Variants in TNFSF12 observed in about 807,000 individuals in gnomAD.
The protein encoded by TNFSF12 is TNF superfamily member 12.
TNFSF12 carries 16 observed loss-of-function variants against 31.2 expected under a neutral mutation model. That is an observed-to-expected ratio of 0.51 (90% CI 0.35 to 0.78). The LOEUF is 0.78. Among genes scored for constraint, TNFSF12 ranks in the 30% least tolerant of loss-of-function variants. The pLI, the probability that TNFSF12 is intolerant of heterozygous loss-of-function variation, is 0.01. For synonymous variants in TNFSF12, 150 were observed against 151.4 expected (o/e 0.99, Z 0.07); for missense variants, 324 against 338.8 (o/e 0.96, Z 0.34).
rs771252165 is a variant in TNFSF12, at chr17:7,557,103, A to C, written c.503A>C (p.His168Pro). The change falls in exon 7 of 7, where the codon CAC (histidine) becomes CCC (proline). Residue 168 changes from histidine (H) to proline (P), a missense_variant. Coordinates refer to ENST00000293825, the MANE Select transcript of TNFSF12 (RefSeq NM_003809.3). This position sits in a 1 kb window ranked among gnomAD's most constrained non-coding sequence, Gnocchi z 5.2. ...GGCCTGTTGTCCCCACCCCAGGTGC[A>C]CTTTGATGAGGGGAAGGCTGTCTAC... ...AGLYYLYCQV[H>P]FDEGKAVYLK... 1 of 1,610,828 alleles carries C rather than the reference A, an allele frequency of 6.2e-7. No homozygotes were observed. The highest frequency in any genetic ancestry group is 1.7e-5 in the Admixed American group (1 of 59,898).
rs761578720 is a variant in TNFSF12, at chr17:7,549,923, C to A, written c.208-197C>A. On this transcript the variant is annotated intron_variant, in intron 2 of 6. Transcript: ENST00000293825. This position sits in a 1 kb window ranked among gnomAD's most constrained non-coding sequence, Gnocchi z 4.1. ...GTGTGGGTGGGAAAGTGTAGCTGGT[C>A]TAGAGGAAAGGGTGAGGACTGGGGC... The A allele has an allele frequency of 8.4e-6, 6 of 714,818 alleles. No homozygotes were observed. The highest frequency in any genetic ancestry group is 1.2e-5 in the Non-Finnish European group (5 of 433,716). 44.3% of individuals were successfully genotyped at this position (714,818 alleles called of 1,614,324 possible).
Position 7,557,657 on chromosome 17 carries a change from C to T in TNFSF12, c.*307C>T. On this transcript the variant is annotated 3_prime_UTR_variant, in exon 7 of 7. Transcript: ENST00000293825. This position sits in a 1 kb window ranked among gnomAD's most constrained non-coding sequence, Gnocchi z 5.2. The stretch of plus-strand genomic sequence containing the variant: ...CCCCCAGGGCATTGTGTTCACTGTA[C>T]TCTGTGGGCAAGGATGGGTCCAGAA... 3.0e-6 allele frequency: 1 copy of T among 330,020 alleles called. No individual in the cohort carries two copies. The highest frequency in any genetic ancestry group is 5.6e-6 in the Non-Finnish European group (1 of 177,778). The allele number at this position is 330,020 out of a possible 1,614,324, so 20.4% of individuals were successfully genotyped here.
At chr17:7,551,117 C>T in intron 5 of TNFSF12, 139 bp downstream of exon 5, 3 of 1,445,210 alleles carry the variant, frequency 2.1e-6, no homozygotes, top group Non-Finnish European at 9.3e-7. Context: ...CTCTCTGTGA[C>T]CCAGGCGTGG....
intron 5 of TNFSF12, among the ~76,000 whole-genome samples, chr17:7,551,549 A>C (rs961055559): frequency 2.0e-5 from 3 of 151,954 alleles, no homozygotes; most frequent in East Asian, 1.9e-4. Context: ...TGCTGTCTTC[A>C]TGTTTGCTGC....
At position 7,557,083 on chromosome 17, in the gene TNFSF12, G is replaced by A; in HGVS notation, c.499-16G>A. On this transcript the variant is annotated splice_polypyrimidine_tract_variant and intron_variant, in intron 6 of 6. Coordinates refer to ENST00000293825, the MANE Select transcript of TNFSF12 (RefSeq NM_003809.3). This position sits in a 1 kb window ranked among gnomAD's most constrained non-coding sequence, Gnocchi z 5.2. ...GCAGGCAGAGGCCTGGACTCGGCCTGTTGTCCCCACCCCAGGTGCACTTTG... is the reference window on the plus strand; with the variant it reads ...GCAGGCAGAGGCCTGGACTCGGCCTATTGTCCCCACCCCAGGTGCACTTTG... The A allele has an allele frequency of 6.2e-7, 1 of 1,602,936 alleles. No individual in the cohort carries two copies. Among genetic ancestry groups the A allele is most frequent in the Non-Finnish European group, 8.5e-7 (1 of 1,172,206 alleles).
rs1315458948 is a variant in TNFSF12, at chr17:7,550,058, C to T, written c.208-62C>T. On this transcript the variant is annotated intron_variant, in intron 2 of 6. Transcript: ENST00000293825. The surrounding 1 kb of genome is among the most constrained non-coding windows in gnomAD (Gnocchi z 4.4). ...CTGGCTGGTGGCTCTCCTGACAGGCCCCGTATGTCTCACTTTATATCTCTG... is the reference window on the plus strand; with the variant it reads ...CTGGCTGGTGGCTCTCCTGACAGGCTCCGTATGTCTCACTTTATATCTCTG... 6.2e-7 allele frequency: 1 copy of T among 1,612,494 alleles called. No homozygotes were observed. Among genetic ancestry groups the T allele is most frequent in the East Asian group, 2.2e-5 (1 of 44,862 alleles).
intron 5 of TNFSF12, among the ~76,000 whole-genome samples, chr17:7,556,573 C>T (rs1266316014): frequency 6.6e-6 from 1 of 152,208 alleles, no homozygotes; most frequent in Non-Finnish European, 1.5e-5. Context: ...CCCTGAATGT[C>T]TCTGGCCATA....
chr17:7,553,848 G>A, intron 5 of TNFSF12: 7 of 1,106,250 alleles, frequency 6.3e-6, no homozygotes, highest in South Asian at 2.2e-5. Flanking sequence ...ATTTGCTGGG[G>A]GGAGATGAGG....
In TNFSF12 at chr17:7,556,762, G is replaced by A; in HGVS notation, c.374-16G>A. 12 of 1,494,512 alleles carry A rather than the reference G, an allele frequency of 8.0e-6. No individual in the cohort carries two copies. Among genetic ancestry groups the A allele is most frequent in the Non-Finnish European group, 9.8e-6 (11 of 1,120,692 alleles). The allele number at this position is 1,494,512 out of a possible 1,614,324, so 92.6% of individuals were successfully genotyped here. A position where few individuals can be genotyped will look rare whatever the true frequency, so the allele number is the denominator to read the frequency against. On this transcript the variant is annotated splice_polypyrimidine_tract_variant and intron_variant, in intron 5 of 6. Transcript: ENST00000293825. ...TGTAGAGAGACGTTTCCTTATCTCT[G>A]AGCATCCGTGTTCAGGTGTGGACGG...
At chr17:7,554,038 A>G (rs1056488254) in intron 5 of TNFSF12, among the ~76,000 whole-genome samples, 1 of 152,154 alleles carries the variant, frequency 6.6e-6, no homozygotes, top group Non-Finnish European at 1.5e-5. Context: ...GAGACAAGTG[A>G]TATACCAGGC....
Position 7,550,210 on chromosome 17 carries a change from A to C in TNFSF12, c.283+15A>C. 1 of 1,614,080 alleles carries C rather than the reference A, an allele frequency of 6.2e-7. No homozygotes were observed. The highest frequency in any genetic ancestry group is 8.5e-7 in the Non-Finnish European group (1 of 1,180,004). On this transcript the variant is annotated intron_variant, in intron 3 of 6. Coordinates refer to ENST00000293825, the MANE Select transcript of TNFSF12 (RefSeq NM_003809.3). This position sits in a 1 kb window ranked among gnomAD's most constrained non-coding sequence, Gnocchi z 4.4. ...TCGCAGAAGTGGTGAGCATCCCTCT[A>C]TCCCAACCTCAGGAAGCGGGCAGAG...
Position 7,549,933 on chromosome 17 carries a change from G to A in TNFSF12, c.208-187G>A, listed in dbSNP as rs1291731727. On this transcript the variant is annotated intron_variant, in intron 2 of 6. Coordinates refer to ENST00000293825, the MANE Select transcript of TNFSF12 (RefSeq NM_003809.3). This position sits in a 1 kb window ranked among gnomAD's most constrained non-coding sequence, Gnocchi z 4.1. ...GAAAGTGTAGCTGGTCTAGAGGAAA[G>A]GGTGAGGACTGGGGCCTGACTCCCA... 3 of 751,176 alleles carry A rather than the reference G, an allele frequency of 4.0e-6. No homozygotes were observed. The highest frequency in any genetic ancestry group is 1.8e-5 in the African/African-American group (1 of 56,702). The allele number at this position is 751,176 out of a possible 1,614,324, so 46.5% of individuals were successfully genotyped here.
rs756550582 is a variant in TNFSF12 at position 7,550,271 on chromosome 17, G to A, written c.283+76G>A. The stretch of plus-strand genomic sequence containing the variant: ...TATCCACAGGGAGAAACTGAGGCAC[G>A]GAGGGTGAAAGGAGTTCAGAGTCAT... On this transcript the variant is annotated intron_variant, in intron 3 of 6. Coordinates refer to ENST00000293825, the MANE Select transcript of TNFSF12 (RefSeq NM_003809.3). The surrounding 1 kb of genome is among the most constrained non-coding windows in gnomAD (Gnocchi z 4.4). 1.4e-4 allele frequency: 225 copies of A among 1,607,178 alleles called. No individual in the cohort carries two copies. Among genetic ancestry groups the A allele is most frequent in the Admixed American group, 1.4e-3 (83 of 59,838 alleles).
intron 5 of TNFSF12, among the ~76,000 whole-genome samples, chr17:7,554,825 G>A (rs1395950516): frequency 6.6e-6 from 1 of 150,460 alleles, no homozygotes; most frequent in Non-Finnish European, 1.5e-5. Context: ...CACCGTGTTA[G>A]CCAGGAGCGT....
Position 7,549,335 on chromosome 17 carries a change from T to C in TNFSF12, c.159+23T>C. 1 of 1,410,716 alleles carries C rather than the reference T, an allele frequency of 7.1e-7. No homozygotes were observed. Among genetic ancestry groups the C allele is most frequent in the Non-Finnish European group, 9.3e-7 (1 of 1,075,836 alleles). The allele number at this position is 1,410,716 out of a possible 1,614,324, so 87.4% of individuals were successfully genotyped here. A position where few individuals can be genotyped will look rare whatever the true frequency, so the allele number is the denominator to read the frequency against. ...CAGGTGAGGCCCCGCTGCGCACCCCTTCTTGGGCACATCAGGAGCTGAGAC... is the reference window on the plus strand; with the variant it reads ...CAGGTGAGGCCCCGCTGCGCACCCCCTCTTGGGCACATCAGGAGCTGAGAC... On this transcript the variant is annotated intron_variant, in intron 1 of 6. Coordinates refer to ENST00000293825, the MANE Select transcript of TNFSF12 (RefSeq NM_003809.3). The surrounding 1 kb of genome is among the most constrained non-coding windows in gnomAD (Gnocchi z 4.1).
Position 7,557,239 on chromosome 17 carries a change from T to A in TNFSF12, c.639T>A (p.Ser213=). ...LGPQLRLCQV[S]GLLALRPGSS... ...CCCAGCTCCGCCTCTGCCAGGTGTC[T>A]GGGCTGTTGGCCCTGCGGCCAGGGT... Residue 213 remains serine (S), a synonymous_variant, in exon 7 of 7, where the codon TCT becomes TCA. Transcript: ENST00000293825. The surrounding 1 kb of genome is among the most constrained non-coding windows in gnomAD (Gnocchi z 5.2). 1 of 1,613,800 alleles carries A rather than the reference T, an allele frequency of 6.2e-7. No individual in the cohort carries two copies. The highest frequency in any genetic ancestry group is 2.2e-5 in the East Asian group (1 of 44,874).
Position 7,549,721 on chromosome 17 carries a change from G to C in TNFSF12, c.207+200G>C. ...TGTGTGAGGGGTTTGTGCTGGGGTTGTGCCACCTGAGTCTGAGGTGTTTAT... is the reference window on the plus strand; with the variant it reads ...TGTGTGAGGGGTTTGTGCTGGGGTTCTGCCACCTGAGTCTGAGGTGTTTAT... On this transcript the variant is annotated intron_variant, in intron 2 of 6. Coordinates refer to ENST00000293825, the MANE Select transcript of TNFSF12 (RefSeq NM_003809.3). The surrounding 1 kb of genome is among the most constrained non-coding windows in gnomAD (Gnocchi z 4.1). The C allele has an allele frequency of 2.2e-6, 2 of 895,242 alleles. No individual in the cohort carries two copies. Among genetic ancestry groups the C allele is most frequent in the South Asian group, 4.0e-5 (2 of 50,090 alleles). The allele number at this position is 895,242 out of a possible 1,614,324, so 55.5% of individuals were successfully genotyped here.
Position 7,553,626 on chromosome 17 carries a change from A to G in TNFSF12, c.373+2648A>G, listed in dbSNP as rs1251934003. ...ACTTGTCTGAGGCCATGAGATACTAAGTGGTGGAGCCAAGATTTGAACCCA... is the reference window on the plus strand; with the variant it reads ...ACTTGTCTGAGGCCATGAGATACTAGGTGGTGGAGCCAAGATTTGAACCCA... On this transcript the variant is annotated intron_variant, in intron 5 of 6. Transcript: ENST00000293825. 3.1e-6 allele frequency: 4 copies of G among 1,303,770 alleles called. No individual in the cohort carries two copies. The South Asian group carries it at 4.9e-5, about 16-fold the overall frequency. The allele number at this position is 1,303,770 out of a possible 1,614,324, so 80.8% of individuals were successfully genotyped here.
At chr17:7,551,148 C>T (rs1242995513) in intron 5 of TNFSF12, among the ~76,000 whole-genome samples, 170 bp downstream of exon 5, 2 of 152,156 alleles carry the variant, frequency 1.3e-5, no homozygotes, top group Admixed American at 1.3e-4. Flanking sequence ...AAGACCCCTA[C>T]TCTTCCCCAG....
Sources: allele counts gnomAD v4.1 joint callset (sites outside exome capture counted in the v4.1 genomes callset), GRCh38; gene constraint gnomAD v4.1.1; non-coding constraint Gnocchi (gnomAD v3.1); transcripts MANE v1.5; gene names NCBI Gene and HGNC (gene_info 2026-07-23, HGNC 2026-07-21).